CCDC171: variants seen among roughly 807,000 people sequenced by gnomAD.
CCDC171 encodes the protein coiled-coil domain containing 171.
Under a neutral mutation model 168.2 loss-of-function variants are expected in CCDC171, and 177 were observed. The ratio of observed to expected loss-of-function variants is 1.05; its 90% CI spans 0.93 to 1.19. CCDC171 has a LOEUF of 1.19. CCDC171 is among the 50% of genes most tolerant of loss of function. The probability of loss-of-function intolerance (pLI) is 0.00; values close to 1 mark genes in which losing one functional copy is unlikely to be tolerated. For synonymous variants in CCDC171, 687 were observed against 540.8 expected (o/e 1.27, Z -3.75); for missense variants, 1,991 against 1,539.0 (o/e 1.29, Z -4.91).
At chr9:15,946,171 G>A (rs1828351862) in intron 25 of CCDC171, among the ~76,000 whole-genome samples, 1 of 151,816 alleles carries the variant, frequency 6.6e-6, no homozygotes, top group Non-Finnish European at 1.5e-5. Context: ...TCTCAGGTTT[G>A]TCAAAGATCA....
At chr9:15,885,419 A>G (rs991630959) in intron 24 of CCDC171, 2 of 152,170 alleles carry the variant, frequency 1.3e-5, no homozygotes, top group African/African-American at 2.4e-5. Flanking sequence ...ATATAACTAG[A>G]ACTATTATAT....
At chr9:15,979,514 G>A (rs7037736) in intron 3 of CCDC171, among the ~76,000 whole-genome samples, 11,594 of 152,024 alleles carry the variant, frequency 0.076, 1,445 homozygotes, top group African/African-American at 0.26. Context: ...GTTTCAATTT[G>A]TCAAATATTT....
chr9:15,604,593 G>A (rs956469654), intron 6 of CCDC171, among the ~76,000 whole-genome samples: 2 of 152,110 alleles, frequency 1.3e-5, no homozygotes, highest in African/African-American at 4.8e-5. Context: ...AGTTTGTGAC[G>A]GTATGGGAAG....
chr9:15,700,262 C>T (rs1420740108), intron 11 of CCDC171, among the ~76,000 whole-genome samples: 2 of 152,234 alleles, frequency 1.3e-5, no homozygotes, highest in African/African-American at 2.4e-5. Flanking sequence ...ACCCCGTACA[C>T]CCTCTGCAGC....
intron 3 of CCDC171, among the ~76,000 whole-genome samples, chr9:15,573,155 A>C (rs2040368820): frequency 6.6e-6 from 1 of 151,926 alleles, no homozygotes; most frequent in African/African-American, 2.4e-5. Flanking sequence ...GGAGAGTATG[A>C]AAAGATGATT....
intron 8 of CCDC171, among the ~76,000 whole-genome samples, chr9:16,037,629 A>T (rs1350306865): frequency 2.0e-5 from 3 of 152,218 alleles, no homozygotes; most frequent in African/African-American, 7.2e-5. Context: ...ATGACAATAT[A>T]TAAGGTACCA....
intron 25 of CCDC171, among the ~76,000 whole-genome samples, chr9:15,944,795 G>C (rs1828114154): frequency 1.3e-5 from 2 of 151,126 alleles, no homozygotes; most frequent in African/African-American, 4.9e-5. Flanking sequence ...CTTTATTCTA[G>C]GCAGAGCATG....
intron 11 of CCDC171, among the ~76,000 whole-genome samples, chr9:15,696,202 A>T (rs561918926): frequency 6.6e-6 from 1 of 152,200 alleles, no homozygotes; most frequent in Non-Finnish European, 1.5e-5. Flanking sequence ...AATTTGGCAA[A>T]TAAGTTCTTT....
chr9:15,592,271 G>A (rs2042057433), intron 5 of CCDC171, among the ~76,000 whole-genome samples: 2 of 151,696 alleles, frequency 1.3e-5, no homozygotes, highest in Admixed American at 1.3e-4. Context: ...TGAGGCCACA[G>A]TATACCATGA....
chr9:15,625,375 T>A (rs193188446), intron 7 of CCDC171, among the ~76,000 whole-genome samples: 1 of 152,192 alleles, frequency 6.6e-6, no homozygotes, highest in African/African-American at 2.4e-5. Flanking sequence ...GGTGTTTTAG[T>A]TATGAAGTCC....
chr9:15,562,825 G>C (rs1191676773), intron 1 of CCDC171, among the ~76,000 whole-genome samples: 1 of 152,120 alleles, frequency 6.6e-6, no homozygotes, highest in Non-Finnish European at 1.5e-5. Flanking sequence ...TCATTCTGAA[G>C]GAAGTTTCCC....
At chr9:15,793,818 A>G (rs1190342437) in intron 21 of CCDC171, among the ~76,000 whole-genome samples, 1 of 151,890 alleles carries the variant, frequency 6.6e-6, no homozygotes, top group African/African-American at 2.4e-5. Context: ...AAGTGCTGGG[A>G]TTATTGATGT....
At chr9:15,606,906 A>T (rs571046407) in intron 6 of CCDC171, among the ~76,000 whole-genome samples, 1 of 152,326 alleles carries the variant, frequency 6.6e-6, no homozygotes, top group Admixed American at 6.5e-5. Context: ...TTTATTTCAC[A>T]CACACAGACA....
intron 3 of CCDC171, among the ~76,000 whole-genome samples, chr9:15,990,644 C>A (rs193125647): frequency 7.4e-4 from 112 of 152,196 alleles, no homozygotes; most frequent in African/African-American, 2.5e-3. Context: ...CTGGATAAAG[C>A]GTCAAGACCC....
intron 4 of CCDC171, among the ~76,000 whole-genome samples, chr9:15,591,121 A>G (rs948877966): frequency 6.6e-6 from 1 of 152,126 alleles, no homozygotes; most frequent in African/African-American, 2.4e-5. Context: ...GTTTCATAGC[A>G]AAATCATCAT....
At chr9:16,073,330 C>G in the CCDC171 span, among the ~76,000 whole-genome samples, 1 of 152,160 alleles carries the variant, frequency 6.6e-6, no homozygotes, top group Admixed American at 6.5e-5. Context: ...ATATTTTATT[C>G]ATATTATTCT....
chr9:15,625,092 C>T (rs1274752171), intron 7 of CCDC171, among the ~76,000 whole-genome samples: 1 of 152,086 alleles, frequency 6.6e-6, no homozygotes, highest in Non-Finnish European at 1.5e-5. Flanking sequence ...TTTCATGTGT[C>T]TGTTGGCTGC....
intron 7 of CCDC171, among the ~76,000 whole-genome samples, chr9:15,632,906 A>C (rs184905654): frequency 4.0e-4 from 61 of 152,340 alleles, no homozygotes; most frequent in Middle Eastern, 3.4e-3. Context: ...AACCTGAGAA[A>C]AACAAGCAAC....
intron 6 of CCDC171, among the ~76,000 whole-genome samples, chr9:15,604,187 A>G (rs2043062995): frequency 6.6e-6 from 1 of 151,338 alleles, no homozygotes; most frequent in South Asian, 2.1e-4. Context: ...ATTTTCTCCC[A>G]TTCTGTAGGT....
Sources: allele counts gnomAD v4.1 joint callset (sites outside exome capture counted in the v4.1 genomes callset), GRCh38; gene constraint gnomAD v4.1.1; transcripts MANE v1.5; gene names NCBI Gene and HGNC (gene_info 2026-07-23, HGNC 2026-07-21).